DPCD: variants seen among roughly 807,000 people sequenced by gnomAD.
The protein encoded by DPCD is deleted in primary ciliary dyskinesia homolog (mouse).
A neutral mutation model predicts 26.4 loss-of-function variants in DPCD; 20 were observed. The observed-to-expected ratio is 0.76, with a 90% CI of 0.53 to 1.10. The LOEUF (loss-of-function observed/expected upper bound fraction) is 1.10, where lower values mean the gene tolerates loss of function less well. DPCD is among the 50% of genes least tolerant of loss of function. The pLI, the probability that DPCD is intolerant of heterozygous loss-of-function variation, is 0.00. For synonymous variants in DPCD, 97 were observed against 94.2 expected (o/e 1.03, Z -0.17); for missense variants, 202 against 253.9 (o/e 0.80, Z 1.39).
chr10:101,588,814 G>T (rs1011690685), intron 1 of DPCD: 1 of 334,326 alleles, frequency 3.0e-6, no homozygotes, highest in Non-Finnish European at 4.3e-6. Context: ...CACCACGGGC[G>T]CTTCAGTCGG....
chr10:101,601,417 A>T (rs755370615), intron 4 of DPCD, 81 bp downstream of exon 4: 2 of 1,459,998 alleles, frequency 1.4e-6, no homozygotes, highest in Admixed American at 3.6e-5. Flanking sequence ...TAGGATCATT[A>T]TTCAGGCCGG....
Position 101,603,949 on chromosome 10 carries a change from T to A in DPCD, c.404+2613T>A. Among the ~76,000 whole-genome samples the A allele has an allele frequency of 6.6e-6, 1 of 152,024 alleles. No individual in the cohort carries two copies. Among genetic ancestry groups the A allele is most frequent in the South Asian group, 2.1e-4 (1 of 4,816 alleles). On this transcript the variant is annotated intron_variant, in intron 4 of 5. Coordinates refer to ENST00000370151, the MANE Select transcript of DPCD (RefSeq NM_015448.3). The surrounding 1 kb of genome is among the most constrained non-coding windows in gnomAD (Gnocchi z 4.6). ...AAACAATTTTTTATAGCGTTGAGGG[T>A]CTCTCCATTTTGCCCAAGCTGCTCT...
chr10:101,608,714 C>T (rs2063749227), intron 4 of DPCD, 121 bp from the exon 5 acceptor site: 1 of 672,984 alleles, frequency 1.5e-6, no homozygotes, highest in African/African-American at 1.8e-5. Context: ...TTTCCCTTCT[C>T]CCTCTCTGCG....
At chr10:101,594,580 C>A (rs772330116) in intron 1 of DPCD, 78 bp from the exon 2 acceptor site, 1 of 1,470,168 alleles carries the variant, frequency 6.8e-7, no homozygotes. Flanking sequence ...GGCACTGTTT[C>A]CCAGGTAGGC....
chr10:101,597,629 G>T (rs1437303183), intron 2 of DPCD, among the ~76,000 whole-genome samples: 1 of 152,218 alleles, frequency 6.6e-6, no homozygotes, highest in Non-Finnish European at 1.5e-5. Context: ...CTCTTCACCG[G>T]GGTGGAAAGT....
chr10:101,592,800 G>T (rs2063621031), intron 1 of DPCD, among the ~76,000 whole-genome samples: 1 of 152,112 alleles, frequency 6.6e-6, no homozygotes, highest in Admixed American at 6.5e-5. Flanking sequence ...CAGATCACGA[G>T]CTCAGGAGAT....
chr10:101,588,641 T>G, intron 1 of DPCD: 2 of 1,344,998 alleles, frequency 1.5e-6, no homozygotes, highest in Non-Finnish European at 1.9e-6. Flanking sequence ...CTGTTGCTAA[T>G]ATAGTAATTT....
intron 1 of DPCD, among the ~76,000 whole-genome samples, chr10:101,591,575 G>C (rs1470546934): frequency 6.6e-6 from 1 of 151,972 alleles, no homozygotes; most frequent in African/African-American, 2.4e-5. Context: ...TCTTGGGCTG[G>C]ATAATGAGAC....
In DPCD at chr10:101,603,453, T is replaced by A. The variant is rs1210544998; in HGVS notation, c.404+2117T>A. 6.6e-6 allele frequency among the ~76,000 whole-genome samples: 1 copy of A among 151,812 alleles called. No individual in the cohort carries two copies. The highest frequency in any genetic ancestry group is 2.4e-5 in the African/African-American group (1 of 41,368). ...TTATTTTTATTTTTATTTATTTATT[T>A]TTTTTTTAAGAGATGGAGTCTTGGC... is the stretch of plus-strand genomic sequence containing the variant. On this transcript the variant is annotated intron_variant, in intron 4 of 5. Transcript: ENST00000370151. The surrounding 1 kb of genome is among the most constrained non-coding windows in gnomAD (Gnocchi z 4.6).
chr10:101,589,271 G>C (rs1375933966), intron 1 of DPCD, among the ~76,000 whole-genome samples: 4 of 152,238 alleles, frequency 2.6e-5, no homozygotes, highest in African/African-American at 9.6e-5. Context: ...AACTAGAACA[G>C]AAAGAAAAAG....
At chr10:101,604,966 G>C (rs576711579) in intron 4 of DPCD, among the ~76,000 whole-genome samples, 1 of 152,252 alleles carries the variant, frequency 6.6e-6, no homozygotes, top group South Asian at 2.1e-4. Context: ...AGGATTCTGT[G>C]GTTAAATAAA....
At chr10:101,593,245 T>TGGA (rs1406556046) in intron 1 of DPCD, among the ~76,000 whole-genome samples, 15 of 152,114 alleles carry the variant, frequency 9.9e-5, no homozygotes, top group African/African-American at 3.6e-4. Flanking sequence ...CCCTTTCTAA[T>TGGA]GCCTGTGAGC....
intron 4 of DPCD, chr10:101,601,611 C>T (rs1462938497): frequency 2.6e-5 from 4 of 152,130 alleles, no homozygotes; most frequent in Non-Finnish European, 5.9e-5. Flanking sequence ...TGAGGGAAAT[C>T]ACAGGACCAT....
At chr10:101,590,143 A>G (rs907556718) in intron 1 of DPCD, among the ~76,000 whole-genome samples, 10 of 152,162 alleles carry the variant, frequency 6.6e-5, no homozygotes, top group Admixed American at 1.3e-4. Context: ...CAACTCACAT[A>G]TAAGGACCCT....
intron 2 of DPCD, among the ~76,000 whole-genome samples, chr10:101,598,320 G>T (rs1286751470): frequency 6.6e-6 from 1 of 151,854 alleles, no homozygotes; most frequent in Non-Finnish European, 1.5e-5. Context: ...ACCCTTTAAA[G>T]GCCAAATATA....
chr10:101,604,177 C>G (rs1014726437), intron 4 of DPCD, among the ~76,000 whole-genome samples: 2 of 152,220 alleles, frequency 1.3e-5, no homozygotes, highest in Admixed American at 1.3e-4. Context: ...AATCTGTTTT[C>G]TGATCATCAT....
intron 2 of DPCD, among the ~76,000 whole-genome samples, chr10:101,595,446 G>A (rs1188159100): frequency 6.6e-6 from 1 of 152,202 alleles, no homozygotes; most frequent in Non-Finnish European, 1.5e-5. Context: ...AGCAGTGGGA[G>A]TTGGTCTCTT....
At chr10:101,596,003 C>T (rs1193476047) in intron 2 of DPCD, among the ~76,000 whole-genome samples, 2 of 152,216 alleles carry the variant, frequency 1.3e-5, no homozygotes, top group Non-Finnish European at 2.9e-5. Context: ...CTTCTCTACT[C>T]CTCCACACAG....
In DPCD at chr10:101,600,642, T is replaced by C. The variant is rs2063687178; in HGVS notation, c.146-96T>C. On this transcript the variant is annotated intron_variant, in intron 2 of 5. Transcript: ENST00000370151. The surrounding 1 kb of genome is among the most constrained non-coding windows in gnomAD (Gnocchi z 4.7). ...CTTTCATCTTGTGCTAGTTACCTAG[T>C]GTGGTGCCGGTGATTCAGCAGAAAA... 2 of 1,508,070 alleles carry C rather than the reference T, an allele frequency of 1.3e-6. No homozygotes were observed. The highest frequency in any genetic ancestry group is 1.8e-4 in the Middle Eastern group (1 of 5,652). The allele number at this position is 1,508,070 out of a possible 1,614,324, so 93.4% of individuals were successfully genotyped here. A position where few individuals can be genotyped will look rare whatever the true frequency, so the allele number is the denominator to read the frequency against.
Sources: gnomAD v4.1 joint callset for allele counts (sites outside exome capture counted in the v4.1 genomes callset) on GRCh38, gnomAD v4.1.1 for gene constraint, Gnocchi (gnomAD v3.1) non-coding constraint, MANE v1.5 for transcripts, NCBI Gene and HGNC (gene_info 2026-07-23, HGNC 2026-07-21) for gene names.